The following AP4E1 variants were observed in gnomAD, a reference collection of about 807,000 sequenced individuals.
AP4E1 encodes the protein adaptor related protein complex 4 subunit epsilon 1, also known as AP-4 complex subunit epsilon-1.
A neutral mutation model predicts 128.2 loss-of-function variants in AP4E1; 56 were observed. That is an observed-to-expected ratio of 0.44 (90% CI 0.35 to 0.55). The LOEUF (loss-of-function observed/expected upper bound fraction) is 0.55, where lower values mean the gene tolerates loss of function less well. Among genes scored for constraint, AP4E1 ranks in the 20% least tolerant of loss-of-function variants. AP4E1 has a pLI of 0.00. For missense variants in AP4E1, 1,324 were observed against 1,307.7 expected (o/e 1.01, Z -0.19); for synonymous variants, 484 against 473.1 (o/e 1.02, Z -0.30).
At chr15:50,928,681 T>G (rs1332877826) in intron 5 of AP4E1, among the ~76,000 whole-genome samples, 25 of 151,364 alleles carry the variant, frequency 1.7e-4, no homozygotes, top group Admixed American at 1.6e-3. Flanking sequence ...CTTTTAAAAA[T>G]GGAATTAGAG....
chr15:50,941,823 A>G (rs371260348), intron 10 of AP4E1, 48 bp downstream of exon 10: 6 of 1,463,654 alleles, frequency 4.1e-6, no homozygotes, highest in Non-Finnish European at 5.7e-6. Flanking sequence ...AAATTTTTAA[A>G]AATTTTGTTG....
chr15:50,908,398 G>T (rs2063520195), upstream of AP4E1, among the ~76,000 whole-genome samples: 1 of 152,200 alleles, frequency 6.6e-6, no homozygotes, highest in African/African-American at 2.4e-5. Context: ...CTCCTGACGC[G>T]GTCTCGGGCT....
chr15:50,936,728 G>A (rs1282770903), intron 8 of AP4E1, among the ~76,000 whole-genome samples: 1 of 152,170 alleles, frequency 6.6e-6, no homozygotes, highest in Non-Finnish European at 1.5e-5. Flanking sequence ...AAGGTCGGGA[G>A]TTCAAGACCA....
Position 50,925,146 on chromosome 15 carries a change from G to A in AP4E1, c.469G>A (p.Val157Ile). 1 of 1,613,986 alleles carries A rather than the reference G, an allele frequency of 6.2e-7. No homozygotes were observed. The highest frequency in any genetic ancestry group is 8.5e-7 in the Non-Finnish European group (1 of 1,179,914). The change falls in exon 5 of 21, where the codon GTT becomes ATT. Residue 157 changes from valine (V) to isoleucine (I), a missense_variant. Coordinates refer to ENST00000261842, the MANE Select transcript of AP4E1 (RefSeq NM_007347.5). ...LVEVCMALTV[V>I]SQIFPCEMIP... ...AGAAGTGTGTATGGCACTGACTGTT[G>A]TTAGCCAGATTTTCCCCTGCGAAAT...
intron 15 of AP4E1, among the ~76,000 whole-genome samples, chr15:50,981,941 C>T (rs184796857): frequency 4.1e-4 from 63 of 151,998 alleles, no homozygotes; most frequent in Admixed American, 2.8e-3. Flanking sequence ...CGAAATTAGC[C>T]GGGCATGCTG....
In AP4E1 at chr15:50,912,165, C is replaced by T. The variant is rs1305730064; in HGVS notation, c.222+16C>T. 1.2e-6 allele frequency: 2 copies of T among 1,601,874 alleles called. No individual in the cohort carries two copies. On this transcript the variant is annotated intron_variant, in intron 2 of 20. Coordinates refer to ENST00000261842, the MANE Select transcript of AP4E1 (RefSeq NM_007347.5). ...TACAACACTGGTAGGTTTGCATAGT[C>T]AGTGCCAACACATTTGAATTTGAAA...
intron 16 of AP4E1, among the ~76,000 whole-genome samples, chr15:50,985,847 G>A (rs2064715266): frequency 6.6e-6 from 1 of 152,180 alleles, no homozygotes; most frequent in African/African-American, 2.4e-5. Flanking sequence ...ATTCTGTGAA[G>A]ACAGTCATTG....
intron 3 of AP4E1, among the ~76,000 whole-genome samples, chr15:50,919,994 T>C (rs2063677098): frequency 6.7e-6 from 1 of 150,260 alleles, no homozygotes; most frequent in Admixed American, 6.7e-5. Flanking sequence ...AGAGGATTGC[T>C]TGAACCTGGG....
chr15:50,996,150 G>T (rs1200972981), intron 17 of AP4E1, among the ~76,000 whole-genome samples: 2 of 133,842 alleles, frequency 1.5e-5, no homozygotes, highest in East Asian at 2.2e-4. Context: ...TACCACGCCT[G>T]GCTAATTTTT....
At chr15:50,930,072 CT>C (rs1409254424) in intron 6 of AP4E1, among the ~76,000 whole-genome samples, 140 of 136,958 alleles carry the variant, frequency 1.0e-3, no homozygotes, top group Non-Finnish European at 1.1e-3. Context: ...ATTTTGGGGA[CT>C]TTTTTTTTTT....
chr15:50,977,859 G>A (rs1266652493), intron 15 of AP4E1, among the ~76,000 whole-genome samples: 1 of 151,874 alleles, frequency 6.6e-6, no homozygotes, highest in Non-Finnish European at 1.5e-5. Flanking sequence ...ACTGGTGCAT[G>A]CCACCACATC....
chr15:50,952,016 C>T (rs2064157261), intron 13 of AP4E1, among the ~76,000 whole-genome samples: 1 of 152,060 alleles, frequency 6.6e-6, no homozygotes, highest in East Asian at 1.9e-4. Context: ...TGTGAGCCAC[C>T]ACACCCGGCC....
At chr15:50,913,907 G>A (rs553245552) in intron 2 of AP4E1, among the ~76,000 whole-genome samples, 6 of 152,166 alleles carry the variant, frequency 3.9e-5, no homozygotes, top group African/African-American at 9.6e-5. Context: ...TCTGCCTCTC[G>A]GGTTCAAGCG....
chr15:50,999,860 AC>A (rs1211908760), intron 19 of AP4E1, among the ~76,000 whole-genome samples: 1 of 67,142 alleles, frequency 1.5e-5, no homozygotes, highest in Non-Finnish European at 2.8e-5. Context: ...CCCTCCCCCC[AC>A]CCCACAACAG....
intron 8 of AP4E1, among the ~76,000 whole-genome samples, chr15:50,939,170 A>T (rs2063949344): frequency 6.6e-6 from 1 of 152,146 alleles, no homozygotes; most frequent in Admixed American, 6.5e-5. Flanking sequence ...TGTATTTTTA[A>T]GTTTAGAAAC....
In AP4E1 at chr15:51,005,050, A is replaced by AT. The variant is rs1317129378; in HGVS notation, c.*2395dup. On this transcript the variant is annotated 3_prime_UTR_variant, in exon 21 of 21. Coordinates refer to ENST00000261842, the MANE Select transcript of AP4E1 (RefSeq NM_007347.5). ...AGGCATGCACCACCACACCCGGCTA[A>AT]TTTTTTTATATTTTTAGTAGAGACA... 2.0e-5 allele frequency: 3 copies of AT among 152,102 alleles called. No individual in the cohort carries two copies. The highest frequency in any genetic ancestry group is 6.6e-5 in the Admixed American group (1 of 15,256). 9.4% of individuals were successfully genotyped at this position (152,102 alleles called of 1,614,324 possible).
intron 10 of AP4E1, chr15:50,945,234 A>G (rs1386582617): frequency 2.3e-5 from 18 of 789,244 alleles, no homozygotes; most frequent in South Asian, 1.7e-4. Flanking sequence ...TGTATGTTCA[A>G]TGACCTGGGG....
chr15:50,967,515 AGCCCTGCC>A (rs1306989343), intron 14 of AP4E1, among the ~76,000 whole-genome samples: 2 of 152,240 alleles, frequency 1.3e-5, no homozygotes, highest in Non-Finnish European at 2.9e-5. Context: ...AGAAGGAAGC[AGCCCTGCC>A]AAAGCCTTGA....
intron 15 of AP4E1, among the ~76,000 whole-genome samples, chr15:50,976,172 G>A (rs1409670399): frequency 3.9e-5 from 6 of 152,054 alleles, no homozygotes; most frequent in Non-Finnish European, 8.8e-5. Flanking sequence ...TCAATAAAAG[G>A]ATCATACACC....
Sources: gnomAD v4.1 joint callset for allele counts (sites outside exome capture counted in the v4.1 genomes callset) on GRCh38, gnomAD v4.1.1 for gene constraint, MANE v1.5 for transcripts, NCBI Gene and HGNC (gene_info 2026-07-23, HGNC 2026-07-21) for gene names.